The following XKR6 variants were observed in gnomAD, a reference collection of about 807,000 sequenced individuals.
The protein encoded by XKR6 is XK-related protein 6.
Under a neutral mutation model 56.7 loss-of-function variants are expected in XKR6, and 22 were observed. That is an observed-to-expected ratio of 0.39 (90% CI 0.28 to 0.55). The LOEUF (loss-of-function observed/expected upper bound fraction) is 0.55. Among genes scored for constraint, XKR6 ranks in the 20% least tolerant of loss-of-function variants. The probability of loss-of-function intolerance (pLI) is 0.66; values close to 1 mark genes in which losing one functional copy is unlikely to be tolerated. For synonymous variants in XKR6, 524 were observed against 387.8 expected, an observed-to-expected ratio of 1.35 and a Z score of -4.13; for missense variants, 852 against 889.0, an observed-to-expected ratio of 0.96 and a Z score of 0.53.
chr8:11,036,575 G>A (rs1380956851), intron 1 of XKR6, among the ~76,000 whole-genome samples: 2 of 152,200 alleles, frequency 1.3e-5, no homozygotes, highest in Admixed American at 6.5e-5. Flanking sequence ...AAATTAGCCA[G>A]GTGGCTGCAC....
chr8:11,162,076 G>A (rs911440078), intron 1 of XKR6, among the ~76,000 whole-genome samples: 1 of 152,166 alleles, frequency 6.6e-6, no homozygotes, highest in Non-Finnish European at 1.5e-5. Flanking sequence ...AACTGACCCA[G>A]AGAAATAAAG....
chr8:10,978,896 T>C (rs1164271416), intron 1 of XKR6, among the ~76,000 whole-genome samples: 1 of 152,194 alleles, frequency 6.6e-6, no homozygotes, highest in African/African-American at 2.4e-5. Flanking sequence ...GTTCCAGGCC[T>C]CCCAGATGTC....
chr8:10,978,628 C>T (rs560268428), intron 1 of XKR6, among the ~76,000 whole-genome samples: 2 of 152,378 alleles, frequency 1.3e-5, no homozygotes, highest in South Asian at 2.1e-4. Flanking sequence ...AGATCATTCT[C>T]TGCCCTTAAC....
At chr8:11,030,820 G>A (rs942561987) in intron 1 of XKR6, among the ~76,000 whole-genome samples, 28 of 152,184 alleles carry the variant, frequency 1.8e-4, no homozygotes, top group Admixed American at 2.6e-4. Context: ...GCCCTCATCT[G>A]AAAGCCCCAA....
rs78327366 is a variant in XKR6, at chr8:11,165,835, C to G, written c.764+34741G>C. 6.7e-3 allele frequency among the ~76,000 whole-genome samples: 1,015 copies of G among 152,202 alleles called. 16 individuals are homozygous for G. Among genetic ancestry groups the G allele is most frequent in the African/African-American group, 0.023 (968 of 41,510 alleles). ...CAATGGTAGAACTTGTCTTCTCCTG[C>G]ATATACTGTGTCCTATACTATATCT... is the stretch of plus-strand genomic sequence containing the variant. On this transcript the variant is annotated intron_variant, in intron 1 of 2. Coordinates refer to ENST00000416569, the MANE Select transcript of XKR6 (RefSeq NM_173683.4).
intron 1 of XKR6, among the ~76,000 whole-genome samples, chr8:11,027,264 T>C (rs192073018): frequency 5.3e-5 from 8 of 152,358 alleles, no homozygotes; most frequent in African/African-American, 1.4e-4. Context: ...CATCCTCATA[T>C]ATGCAGTCCA....
rs889537921 is a variant in XKR6, at chr8:10,925,569, C to G, written c.765-739G>C. Among the ~76,000 whole-genome samples the G allele has an allele frequency of 2.6e-5, 4 of 152,294 alleles. No homozygotes were observed. In the East Asian group the frequency reaches 7.7e-4, roughly 29 times the overall value. ...GCCCTCTCAGGACCACTCCCGGGCT[C>G]TGTGTGGGAGGGCTGAGGGGCCAAG... On this transcript the variant is annotated intron_variant, in intron 1 of 2. Coordinates refer to ENST00000416569, the MANE Select transcript of XKR6 (RefSeq NM_173683.4).
chr8:11,049,420 C>T (rs1402443770), intron 1 of XKR6, among the ~76,000 whole-genome samples: 1 of 152,158 alleles, frequency 6.6e-6, no homozygotes, highest in African/African-American at 2.4e-5. Flanking sequence ...GGAACACAGC[C>T]CCTGACCCGG....
chr8:10,999,751 A>G (rs1052228500), intron 1 of XKR6, among the ~76,000 whole-genome samples: 5 of 152,216 alleles, frequency 3.3e-5, no homozygotes, highest in Non-Finnish European at 1.5e-5. Flanking sequence ...AGAATCAGGA[A>G]ATGAGCCTTA....
intron 1 of XKR6, among the ~76,000 whole-genome samples, chr8:11,007,889 G>T (rs1009456008): frequency 6.6e-6 from 1 of 152,046 alleles, no homozygotes; most frequent in Non-Finnish European, 1.5e-5. Flanking sequence ...AGCAGGCAGG[G>T]AGCTTGAGCC....
rs780451327 is a variant in XKR6, at chr8:11,201,369, G to T, written c.-30C>A. On this transcript the variant is annotated 5_prime_UTR_variant, in exon 1 of 3. Transcript: ENST00000416569. ...ACTCTCTTCCCAGCTCCGGAGGTTG[G>T]GGGGGAGGGACGGCGGGGGGGGGGG... The T allele has an allele frequency of 1.6e-5, 23 of 1,458,760 alleles. No homozygotes were observed. The highest frequency in any genetic ancestry group is 2.9e-5 in the East Asian group (1 of 34,490). The allele number at this position is 1,458,760 out of a possible 1,614,324, so 90.4% of individuals were successfully genotyped here.
chr8:11,081,790 G>A (rs1333614496), intron 1 of XKR6, among the ~76,000 whole-genome samples: 1 of 152,222 alleles, frequency 6.6e-6, no homozygotes, highest in Non-Finnish European at 1.5e-5. Flanking sequence ...GGCTTATTCT[G>A]CAAGTGTTCA....
chr8:11,045,998 G>C (rs535635118), intron 1 of XKR6, among the ~76,000 whole-genome samples: 56 of 152,352 alleles, frequency 3.7e-4, no homozygotes, highest in African/African-American at 1.2e-3. Flanking sequence ...AGAATGTAAA[G>C]TGGTGCAGCT....
intron 1 of XKR6, among the ~76,000 whole-genome samples, chr8:11,084,796 G>T (rs1797833738): frequency 6.6e-6 from 1 of 152,176 alleles, no homozygotes; most frequent in South Asian, 2.1e-4. Flanking sequence ...GTTGGAGGTG[G>T]GACTGCTGCC....
chr8:11,097,495 G>C (rs1798300831), intron 1 of XKR6, among the ~76,000 whole-genome samples: 2 of 149,854 alleles, frequency 1.3e-5, no homozygotes. Flanking sequence ...AAAAAAAAAA[G>C]GCAATAAATA....
At chr8:11,156,412 C>G (rs969451716) in intron 1 of XKR6, among the ~76,000 whole-genome samples, 7 of 152,192 alleles carry the variant, frequency 4.6e-5, no homozygotes, top group African/African-American at 7.2e-5. Context: ...TCCCCACCTG[C>G]CTGCCTCTTC....
intron 2 of XKR6, among the ~76,000 whole-genome samples, chr8:10,916,567 C>G (rs1291845128): frequency 6.6e-6 from 1 of 152,242 alleles, no homozygotes; most frequent in African/African-American, 2.4e-5. Context: ...ACCGATCCAA[C>G]TGATCCAACC....
intron 2 of XKR6, among the ~76,000 whole-genome samples, chr8:10,907,193 A>T (rs1197315686): frequency 6.6e-6 from 1 of 152,250 alleles, no homozygotes; most frequent in African/African-American, 2.4e-5. Flanking sequence ...TGGTGTAAAC[A>T]TAAGAAAGGA....
At chr8:11,116,892 T>C (rs777780470) in intron 1 of XKR6, among the ~76,000 whole-genome samples, 6 of 152,192 alleles carry the variant, frequency 3.9e-5, no homozygotes, top group Non-Finnish European at 5.9e-5. Flanking sequence ...ACTTCCACTT[T>C]AGGCCTTTGA....
Sources: allele counts gnomAD v4.1 joint callset (sites outside exome capture counted in the v4.1 genomes callset), GRCh38; gene constraint gnomAD v4.1.1; transcripts MANE v1.5; gene names NCBI Gene and HGNC (gene_info 2026-07-23, HGNC 2026-07-21).